WASHC2C: variants seen among roughly 807,000 people sequenced by gnomAD.
WASHC2C encodes the protein Vaccinia Penetration Factor.
In WASHC2C, 73 loss-of-function variants were observed where a neutral mutation model predicts 142.2. The ratio of observed to expected loss-of-function variants is 0.51; its 90% confidence interval spans 0.43 to 0.62. The LOEUF is 0.62. WASHC2C is among the 20% of genes least tolerant of loss of function. The probability of loss-of-function intolerance (pLI) is 0.00; values close to 1 mark genes in which losing one functional copy is unlikely to be tolerated. For missense variants in WASHC2C, 969 were observed against 1,531.7 expected, an observed-to-expected ratio of 0.63 and a Z score of 6.13; for synonymous variants, 337 against 565.5, an observed-to-expected ratio of 0.60 and a Z score of 5.73.
rs558665223 is a variant in WASHC2C at position 45,731,548 on chromosome 10, C to G, written c.291+2522C>G. Among the ~76,000 whole-genome samples the G allele has an allele frequency of 4.7e-5, 7 of 148,536 alleles. No individual in the cohort carries two copies. In the South Asian group the frequency reaches 1.5e-3, roughly 32 times the overall value. The stretch of plus-strand genomic sequence containing the variant: ...AAGTGCTAGGATTACAGGCGCGAGC[C>G]ACTGCGCTCGGCCCTTAGTGTTAAG... On this transcript the variant is annotated intron_variant, in intron 3 of 30. Transcript: ENST00000623400.
Position 45,750,767 on chromosome 10 carries a change from C to T in WASHC2C, c.860C>T (p.Thr287Ile). ...CTGCTGTAGAAAAGAAGCAGACCTA[C>T]ATCGTTTGCAGATGAGCTGGCTGCC... ...ENTRPKRSRP[T>I]SFADELAARI... Residue 287 changes from threonine (T) to isoleucine (I), a missense_variant, in exon 10 of 31, where the codon ACA becomes ATA. Transcript: ENST00000623400. 6.5e-7 allele frequency: 1 copy of T among 1,548,654 alleles called. No individual in the cohort carries two copies.
At chr10:45,759,466 A>G in intron 17 of WASHC2C, 65 bp downstream of exon 17, 1 of 1,287,006 alleles carries the variant, frequency 7.8e-7, no homozygotes. Context: ...ACTATTTTTG[A>G]ATCAGGTTTT....
intron 3 of WASHC2C, among the ~76,000 whole-genome samples, chr10:45,731,893 C>T (rs1386371405): frequency 6.8e-6 from 1 of 147,092 alleles, no homozygotes; most frequent in East Asian, 2.1e-4. Context: ...CTCCCGGGTT[C>T]ATGCCATTCT....
chr10:45,728,900 C>G lies in WASHC2C; in HGVS notation c.165C>G (p.Ile55Met). The change falls in exon 3 of 31, where the codon ATC becomes ATG. Residue 55 changes from isoleucine (I) to methionine (M), a missense_variant. By Grantham distance (10) the Ile-to-Met change is conservative. Transcript: ENST00000623400. ...TACAGGAATTCTCACAGCAAACTATCTCTAGGACCCATGAAATCAAGAAAC... is the reference window on the plus strand; with the variant it reads ...TACAGGAATTCTCACAGCAAACTATGTCTAGGACCCATGAAATCAAGAAAC... ...QFLQEFSQQTISRTHEIKKQV... is the reference protein window; with the variant it reads ...QFLQEFSQQTMSRTHEIKKQV... The G allele has an allele frequency of 6.2e-7, 1 of 1,613,892 alleles. No homozygotes were observed. Among genetic ancestry groups the G allele is most frequent in the Non-Finnish European group, 8.5e-7 (1 of 1,179,848 alleles).
Position 45,728,971 on chromosome 10 carries a change from T to C in WASHC2C, c.236T>C (p.Leu79Pro). 1 of 1,614,022 alleles carries C rather than the reference T, an allele frequency of 6.2e-7. No homozygotes were observed. Among genetic ancestry groups the C allele is most frequent in the Non-Finnish European group, 8.5e-7 (1 of 1,179,876 alleles). Residue 79 changes from leucine (L) to proline (P), a missense_variant, in exon 3 of 31, where the codon CTG becomes CCG. Transcript: ENST00000623400. Reference protein sequence around the residue: ...IRETKATDCRLHNVFNDFLML... With the variant: ...IRETKATDCRPHNVFNDFLML... ...GAAACCAAAGCCACAGATTGTCGCC[T>C]GCATAATGTCTTCAATGACTTCCTT...
intron 8 of WASHC2C, among the ~76,000 whole-genome samples, chr10:45,749,255 T>C (rs1338082950): frequency 5.3e-5 from 8 of 151,844 alleles, no homozygotes; most frequent in African/African-American, 1.9e-4. Flanking sequence ...CCCAACATGG[T>C]GAAACCCCGT....
At chr10:45,770,122 TC>T (rs1554884081) in intron 20 of WASHC2C, among the ~76,000 whole-genome samples, 4 of 151,188 alleles carry the variant, frequency 2.6e-5, no homozygotes, top group African/African-American at 9.8e-5. Context: ...GCGCCTGTAG[TC>T]CCAGCTACTT....
chr10:45,783,817 T>A (rs1361024125), intron 23 of WASHC2C, among the ~76,000 whole-genome samples: 4 of 152,220 alleles, frequency 2.6e-5, no homozygotes, highest in African/African-American at 9.7e-5. Context: ...AATTTTAGAA[T>A]GTCAGGTCTG....
intron 19 of WASHC2C, among the ~76,000 whole-genome samples, chr10:45,766,720 T>C (rs2055877416): frequency 6.7e-6 from 1 of 149,606 alleles, no homozygotes; most frequent in Admixed American, 6.7e-5. Context: ...CCAAATCAGT[T>C]AGTTTAGTTG....
intron 20 of WASHC2C, chr10:45,771,387 G>A (rs1259375569): frequency 5.1e-6 from 4 of 788,628 alleles, no homozygotes; most frequent in Non-Finnish European, 3.1e-6. Context: ...AAAAAAAAAG[G>A]CCTTTCCTAA....
intron 26 of WASHC2C, 110 bp downstream of exon 26, chr10:45,785,741 A>G (rs2057991534): frequency 6.3e-7 from 1 of 1,597,874 alleles, no homozygotes; most frequent in Admixed American, 1.7e-5. Flanking sequence ...AGGAGGAAAC[A>G]GCAACCAGGG....
In WASHC2C at chr10:45,750,128, T is replaced by A; in HGVS notation, c.765T>A (p.Asp255Glu). 1 of 1,611,364 alleles carries A rather than the reference T, an allele frequency of 6.2e-7. No homozygotes were observed. Among genetic ancestry groups the A allele is most frequent in the Admixed American group, 1.7e-5 (1 of 59,940 alleles). The stretch of plus-strand genomic sequence containing the variant: ...CACAAATGAGTGATGAGGAAGAGGA[T>A]GATGATGGCTGTGACCTTTTTGCTG... Reference protein sequence around the residue: ...HTTQMSDEEEDDDGCDLFADS... With the variant: ...HTTQMSDEEEEDDGCDLFADS... The change falls in exon 9 of 31, where the codon GAT becomes GAA. Residue 255 changes from aspartate (D) to glutamate (E), a missense_variant. Transcript: ENST00000623400.
intron 20 of WASHC2C, among the ~76,000 whole-genome samples, chr10:45,772,603 G>A (rs1348545160): frequency 1.3e-5 from 2 of 152,186 alleles, no homozygotes; most frequent in Non-Finnish European, 2.9e-5. Context: ...TGTAGTCGTA[G>A]CTACTTGAGA....
chr10:45,787,772 T>A (rs530609905), intron 28 of WASHC2C, among the ~76,000 whole-genome samples: 317 of 152,278 alleles, frequency 2.1e-3, no homozygotes, highest in African/African-American at 7.2e-3. Flanking sequence ...TCCTGCTGCC[T>A]CCTCACCAGG....
intron 3 of WASHC2C, among the ~76,000 whole-genome samples, chr10:45,731,296 C>T (rs1589547862): frequency 7.4e-6 from 1 of 135,834 alleles, no homozygotes; most frequent in Non-Finnish European, 1.6e-5. Context: ...TCTCGGCTCA[C>T]TGCAACATCC....
chr10:45,758,734 A>G (rs1395535306), intron 16 of WASHC2C, among the ~76,000 whole-genome samples: 10 of 151,220 alleles, frequency 6.6e-5, no homozygotes, highest in Non-Finnish European at 1.3e-4. Flanking sequence ...CAGCCTACCA[A>G]GTAGCTGGGA....
intron 21 of WASHC2C, among the ~76,000 whole-genome samples, chr10:45,776,324 GT>G (rs1302732012): frequency 6.6e-6 from 1 of 152,272 alleles, no homozygotes; most frequent in Non-Finnish European, 1.5e-5. Context: ...TAGAGCTTTA[GT>G]TTTTTCTCAA....
At chr10:45,758,527 TC>T (rs1374231771) in intron 16 of WASHC2C, among the ~76,000 whole-genome samples, 3 of 152,092 alleles carry the variant, frequency 2.0e-5, no homozygotes, top group African/African-American at 7.2e-5. Flanking sequence ...TCCCCCTCCT[TC>T]CCCGATTTTT....
At chr10:45,749,494 C>T (rs1203622925) in intron 8 of WASHC2C, among the ~76,000 whole-genome samples, 2 of 150,934 alleles carry the variant, frequency 1.3e-5, no homozygotes, top group African/African-American at 4.9e-5. Context: ...TTTTAATATT[C>T]TGCTTTTTAT....
Sources: allele counts gnomAD v4.1 joint callset (sites outside exome capture counted in the v4.1 genomes callset), GRCh38; gene constraint gnomAD v4.1.1; transcripts MANE v1.5; gene names NCBI Gene and HGNC (gene_info 2026-07-23, HGNC 2026-07-21).